Variants in CA10 observed in about 807,000 individuals in gnomAD.
CA10 encodes carbonic anhydrase 10 (inactive), also known as carbonic anhydrase-related protein 10.
In CA10, 14 loss-of-function variants were observed where a neutral mutation model predicts 44.2. The ratio of observed to expected loss-of-function variants is 0.32; its 90% confidence interval spans 0.21 to 0.50. The LOEUF (loss-of-function observed/expected upper bound fraction) is 0.50, where lower values mean the gene tolerates loss of function less well. Among genes scored for constraint, CA10 ranks in the 20% least tolerant of loss-of-function variants. The pLI, the probability that CA10 is intolerant of heterozygous loss-of-function variation, is 0.99. For synonymous variants in CA10, 159 were observed against 141.6 expected (o/e 1.12, Z -0.87); for missense variants, 350 against 409.7 (o/e 0.85, Z 1.26).
intron 1 of CA10, among the ~76,000 whole-genome samples, chr17:52,155,048 G>A (rs1989776512): frequency 6.6e-6 from 1 of 152,198 alleles, no homozygotes; most frequent in South Asian, 2.1e-4. Flanking sequence ...ATGAAATTCA[G>A]TCAATATATC....
chr17:51,749,936 A>AT (rs1341828540), intron 3 of CA10, among the ~76,000 whole-genome samples: 2 of 152,154 alleles, frequency 1.3e-5, no homozygotes, highest in African/African-American at 4.8e-5. Flanking sequence ...TTACCAATAC[A>AT]TTTTTAAACC....
At chr17:51,698,180 GCTTC>G (rs1915465559) in intron 4 of CA10, among the ~76,000 whole-genome samples, 1 of 152,170 alleles carries the variant, frequency 6.6e-6, no homozygotes, top group Non-Finnish European at 1.5e-5. Context: ...TACTGTTGCT[GCTTC>G]CCATCCTTTC....
chr17:51,797,333 C>T (rs759444401), intron 3 of CA10, among the ~76,000 whole-genome samples: 3 of 152,230 alleles, frequency 2.0e-5, no homozygotes, highest in African/African-American at 4.8e-5. Context: ...AATCATAGCA[C>T]GCAGGCGCAT....
At chr17:51,941,941 A>T (rs1555612928) in intron 2 of CA10, among the ~76,000 whole-genome samples, 1 of 151,792 alleles carries the variant, frequency 6.6e-6, no homozygotes, top group Non-Finnish European at 1.5e-5. Context: ...TTTAACACTC[A>T]CTCTCTCTGT....
intron 2 of CA10, among the ~76,000 whole-genome samples, chr17:52,011,906 G>T (rs1985809712): frequency 6.6e-6 from 1 of 152,042 alleles, no homozygotes. Flanking sequence ...TCAAGGGTAT[G>T]GTGGTGAACA....
At chr17:51,958,402 T>C (rs989085134) in intron 2 of CA10, among the ~76,000 whole-genome samples, 6 of 152,126 alleles carry the variant, frequency 3.9e-5, no homozygotes, top group African/African-American at 1.2e-4. Flanking sequence ...TTAGAAATTA[T>C]GTTCAAAGCA....
chr17:52,128,140 G>A (rs1364385878), intron 1 of CA10, among the ~76,000 whole-genome samples: 1 of 152,162 alleles, frequency 6.6e-6, no homozygotes, highest in Non-Finnish European at 1.5e-5. Flanking sequence ...TGAGCCACTG[G>A]GCTCTACTGC....
chr17:52,111,776 T>C (rs2143286520), intron 1 of CA10, among the ~76,000 whole-genome samples: 1 of 152,342 alleles, frequency 6.6e-6, no homozygotes, highest in South Asian at 2.1e-4. Flanking sequence ...TCAGTGCTCC[T>C]GGCTCTACCT....
intron 5 of CA10, among the ~76,000 whole-genome samples, chr17:51,652,098 A>C (rs2143279281): frequency 6.6e-6 from 1 of 152,202 alleles, no homozygotes; most frequent in Admixed American, 6.5e-5. Flanking sequence ...TCTATTGGAG[A>C]GGCATAGAAT....
At chr17:52,033,100 T>G (rs986665339) in intron 2 of CA10, among the ~76,000 whole-genome samples, 1 of 152,100 alleles carries the variant, frequency 6.6e-6, no homozygotes, top group Non-Finnish European at 1.5e-5. Context: ...CAGAGAAATT[T>G]TTGCGTTGGG....
At chr17:52,140,528 A>G (rs1989455832) in intron 1 of CA10, among the ~76,000 whole-genome samples, 1 of 151,974 alleles carries the variant, frequency 6.6e-6, no homozygotes, top group African/African-American at 2.4e-5. Flanking sequence ...TCCTCTTTTG[A>G]TTTTTTTCCC....
chr17:51,915,830 C>T (rs941429196), intron 3 of CA10, among the ~76,000 whole-genome samples: 3 of 151,634 alleles, frequency 2.0e-5, no homozygotes, highest in Admixed American at 2.0e-4. Context: ...TTTTTGTAAT[C>T]GCAAAAGGAA....
Position 52,157,391 on chromosome 17 carries a change from T to C in CA10, c.61+335A>G, listed in dbSNP as rs548706071. On this transcript the variant is annotated intron_variant, in intron 1 of 8. Coordinates refer to ENST00000451037, the MANE Select transcript of CA10 (RefSeq NM_020178.5). ...TTTGAAAGCCAGGGGATGGGGGTGG[T>C]TGTTGCCAAGGCTCGGATTTCGGCG... is the stretch of plus-strand genomic sequence containing the variant. Among the ~76,000 whole-genome samples, 26 of 151,768 alleles carry C rather than the reference T, an allele frequency of 1.7e-4. No individual in the cohort carries two copies. The South Asian group carries it at 5.4e-3, about 32-fold the overall frequency.
intron 3 of CA10, among the ~76,000 whole-genome samples, chr17:51,861,496 C>A (rs1475693021): frequency 2.0e-5 from 3 of 150,476 alleles, no homozygotes; most frequent in Admixed American, 1.3e-4. Flanking sequence ...TATTTTAAAC[C>A]TGCTGAGTTT....
chr17:51,638,868 G>A (rs1010141834), intron 6 of CA10, among the ~76,000 whole-genome samples: 2 of 152,148 alleles, frequency 1.3e-5, no homozygotes, highest in African/African-American at 4.8e-5. Flanking sequence ...AGGGTGTCAA[G>A]GCCACTGTAG....
At chr17:51,777,782 T>G (rs7215057) in intron 3 of CA10, among the ~76,000 whole-genome samples, 7,446 of 152,064 alleles carry the variant, frequency 0.049, 448 homozygotes, top group African/African-American at 0.14. Context: ...AGCAAAAATA[T>G]TTAGCCAGGC....
At chr17:51,842,597 G>A (rs1489639037) in intron 3 of CA10, among the ~76,000 whole-genome samples, 1 of 152,076 alleles carries the variant, frequency 6.6e-6, no homozygotes, top group Non-Finnish European at 1.5e-5. Context: ...TTACTTGTTG[G>A]AAACATATCC....
chr17:51,643,942 G>A (rs1395884933), intron 6 of CA10, among the ~76,000 whole-genome samples: 1 of 152,234 alleles, frequency 6.6e-6, no homozygotes, highest in African/African-American at 2.4e-5. Context: ...TTAGAAGCTT[G>A]CTTAAAGTCA....
intron 3 of CA10, among the ~76,000 whole-genome samples, chr17:51,789,416 T>G (rs1906423716): frequency 6.6e-6 from 1 of 152,226 alleles, no homozygotes. Context: ...AGCTGCAGCT[T>G]ATAGATGAAA....
Sources: allele counts gnomAD v4.1 joint callset (sites outside exome capture counted in the v4.1 genomes callset), GRCh38; gene constraint gnomAD v4.1.1; transcripts MANE v1.5; gene names NCBI Gene and HGNC (gene_info 2026-07-23, HGNC 2026-07-21).